Variants in GTF3C1 observed in about 807,000 individuals in gnomAD.
GTF3C1 encodes general transcription factor IIIC subunit 1.
GTF3C1 carries 57 observed loss-of-function variants against 226.7 expected under a neutral mutation model. The observed-to-expected ratio is 0.25, with a 90% CI of 0.20 to 0.31. The LOEUF (loss-of-function observed/expected upper bound fraction) is 0.31, where lower values mean the gene tolerates loss of function less well. GTF3C1 is among the 10% of genes least tolerant of loss of function. The pLI is 1.00. For synonymous variants in GTF3C1, 1,090 were observed against 1,084.8 expected (o/e 1.00, Z -0.09); for missense variants, 2,217 against 2,776.1 (o/e 0.80, Z 4.53).
chr16:27,508,413 G>T, intron 8 of GTF3C1, 127 bp downstream of exon 8: 1 of 690,036 alleles, frequency 1.4e-6, no homozygotes. Context: ...CTCAGCCCTG[G>T]GGAGGCCATT....
At chr16:27,509,864 A>G (rs1476724601) in intron 7 of GTF3C1, among the ~76,000 whole-genome samples, 1 of 152,022 alleles carries the variant, frequency 6.6e-6, no homozygotes, top group Non-Finnish European at 1.5e-5. Context: ...AGGTTTTGCT[A>G]TGTTGTACAC....
intron 29 of GTF3C1, among the ~76,000 whole-genome samples, chr16:27,473,202 T>C (rs1422543186): frequency 6.6e-6 from 1 of 152,220 alleles, no homozygotes; most frequent in African/African-American, 2.4e-5. Flanking sequence ...ATGCCTGGCC[T>C]AGATTCAACT....
intron 4 of GTF3C1, among the ~76,000 whole-genome samples, chr16:27,534,037 G>A (rs1290985352): frequency 1.3e-5 from 2 of 152,124 alleles, no homozygotes; most frequent in Non-Finnish European, 2.9e-5. Context: ...CACTTGGTGA[G>A]GAAGGATGGG....
rs557634590 is a variant in GTF3C1, at chr16:27,481,699, G to A, written c.4084-508C>T. Among the ~76,000 whole-genome samples, 4 of 152,284 alleles carry A rather than the reference G, an allele frequency of 2.6e-5. No individual in the cohort carries two copies. In the South Asian group the frequency reaches 8.3e-4, roughly 32 times the overall value. Reference sequence around the variant, plus strand: ...GAGCAAGCTGGTTGCGTCACCCAGTGTGCAATGCGACATGGTATGCTCCCG... The same window carrying A: ...GAGCAAGCTGGTTGCGTCACCCAGTATGCAATGCGACATGGTATGCTCCCG... On this transcript the variant is annotated intron_variant, in intron 26 of 36. Transcript: ENST00000356183.
rs529172643 is a variant in GTF3C1, at chr16:27,507,707, G to A, written c.1243-551C>T. On this transcript the variant is annotated intron_variant, in intron 8 of 36. Transcript: ENST00000356183. The surrounding 1 kb of genome is among the most constrained non-coding windows in gnomAD (Gnocchi z 4.9). ...CAGGGATGGGGCTAAGTGTGCTGCA[G>A]TCACTCACCCAACTATAATACTGCC... 4.6e-5 allele frequency among the ~76,000 whole-genome samples: 7 copies of A among 152,352 alleles called. No homozygotes were observed. In the South Asian group the frequency reaches 1.4e-3, roughly 32 times the overall value.
Position 27,537,783 on chromosome 16 carries a change from C to T in GTF3C1, c.752+1G>A, listed in dbSNP as rs1424188818. The T allele has an allele frequency of 6.2e-7, 1 of 1,608,554 alleles. No individual in the cohort carries two copies. The highest frequency in any genetic ancestry group is 1.3e-5 in the African/African-American group (1 of 74,742). On this transcript the variant is annotated splice_donor_variant, in intron 4 of 36. Coordinates refer to ENST00000356183, the MANE Select transcript of GTF3C1 (RefSeq NM_001520.4). LOFTEE classifies it high-confidence loss of function. ...AATGTTTTGGTCACTACAAACCATA[C>T]CTGTCCACATGAAACCGGTTCAGTA...
rs1308238876 is a variant in GTF3C1 at position 27,492,545 on chromosome 16, C to G, written c.2974-30G>C. The G allele has an allele frequency of 6.3e-7, 1 of 1,581,860 alleles. No individual in the cohort carries two copies. The highest frequency in any genetic ancestry group is 1.1e-5 in the South Asian group (1 of 90,396). ...GGGGAGACACCAGACAGGGAGAACC[C>G]ACATTGGGTCTGGCTGCTTGGAGAC... is the stretch of plus-strand genomic sequence containing the variant. On this transcript the variant is annotated intron_variant, in intron 18 of 36. Coordinates refer to ENST00000356183, the MANE Select transcript of GTF3C1 (RefSeq NM_001520.4). The surrounding 1 kb of genome is among the most constrained non-coding windows in gnomAD (Gnocchi z 5.0).
chr16:27,492,591 C>G lies in GTF3C1; in HGVS notation c.2973+26G>C, dbSNP rs1235217273. 7 of 1,559,710 alleles carry G rather than the reference C, an allele frequency of 4.5e-6. No homozygotes were observed. Among genetic ancestry groups the G allele is most frequent in the Non-Finnish European group, 6.2e-6 (7 of 1,130,560 alleles). On this transcript the variant is annotated intron_variant, in intron 18 of 36. Transcript: ENST00000356183. This position sits in a 1 kb window ranked among gnomAD's most constrained non-coding sequence, Gnocchi z 5.0. ...GAGACCGTTTAACAATCAGAATTTC[C>G]TTCGTTTGGGCTTGAGGGACATTAC... is the stretch of plus-strand genomic sequence containing the variant.
intron 26 of GTF3C1, among the ~76,000 whole-genome samples, chr16:27,482,051 C>T (rs1338334159): frequency 2.0e-5 from 3 of 152,164 alleles, no homozygotes; most frequent in Non-Finnish European, 4.4e-5. Flanking sequence ...CCCACTGTTT[C>T]CCAGCCACGT....
At chr16:27,501,502 A>C (rs2088403752) in intron 11 of GTF3C1, among the ~76,000 whole-genome samples, 158 bp from the exon 12 acceptor site, 1 of 152,218 alleles carries the variant, frequency 6.6e-6, no homozygotes, top group African/African-American at 2.4e-5. Flanking sequence ...TTGAGACGTT[A>C]ATGATTGTTT....
Position 27,470,090 on chromosome 16 carries a change from C to T in GTF3C1, c.4814+18G>A, listed in dbSNP as rs370102343. 13 of 1,603,438 alleles carry T rather than the reference C, an allele frequency of 8.1e-6. No homozygotes were observed. The highest frequency in any genetic ancestry group is 6.7e-5 in the Admixed American group (4 of 59,458). Reference sequence around the variant, plus strand: ...TAGCACGTGGCCAGACCTGATGCTGCGGATGCCGGACTCTTACCTTTTGAT... The same window carrying T: ...TAGCACGTGGCCAGACCTGATGCTGTGGATGCCGGACTCTTACCTTTTGAT... On this transcript the variant is annotated intron_variant, in intron 31 of 36. Transcript: ENST00000356183. This position sits in a 1 kb window ranked among gnomAD's most constrained non-coding sequence, Gnocchi z 4.9.
intron 2 of GTF3C1, 89 bp from the exon 3 acceptor site, chr16:27,538,445 T>A (rs2089033714): frequency 1.2e-6 from 1 of 801,644 alleles, no homozygotes; most frequent in African/African-American, 1.7e-5. Context: ...AGAATCCTCA[T>A]TTCCTGCTTC....
chr16:27,477,565 A>G (rs1338635982), intron 28 of GTF3C1, among the ~76,000 whole-genome samples: 2 of 152,178 alleles, frequency 1.3e-5, no homozygotes, highest in Non-Finnish European at 2.9e-5. Context: ...GCGCCCTCCC[A>G]AAGTGCTGGG....
At chr16:27,548,577 T>C (rs2089203850) in intron 1 of GTF3C1, among the ~76,000 whole-genome samples, 1 of 152,188 alleles carries the variant, frequency 6.6e-6, no homozygotes, top group Non-Finnish European at 1.5e-5. Flanking sequence ...TCTTGGACAT[T>C]ATTACCTCTT....
intron 2 of GTF3C1, among the ~76,000 whole-genome samples, chr16:27,542,844 G>A (rs775797254): frequency 1.3e-5 from 2 of 152,202 alleles, no homozygotes; most frequent in South Asian, 2.1e-4. Context: ...CCAGAAGCCA[G>A]TGCCATGCCC....
intron 6 of GTF3C1, among the ~76,000 whole-genome samples, chr16:27,522,305 C>G (rs1233744097): frequency 1.3e-5 from 2 of 152,208 alleles, no homozygotes; most frequent in South Asian, 4.1e-4. Context: ...CTTCCAGATT[C>G]CCCCATTATG....
At chr16:27,534,220 C>A (rs548857253) in intron 4 of GTF3C1, among the ~76,000 whole-genome samples, 1 of 152,358 alleles carries the variant, frequency 6.6e-6, no homozygotes, top group Non-Finnish European at 1.5e-5. Flanking sequence ...CTCATTTCTA[C>A]CGTGAAGCGG....
chr16:27,501,214 T>C lies in GTF3C1; in HGVS notation c.2038A>G (p.Ile680Val). Reference protein sequence around the residue: ...GLLRLYRTTVIQDGIKKKVDL... With the variant: ...GLLRLYRTTVVQDGIKKKVDL... ...ACCTTCTTCTTGATGCCATCTTGAATGACAGTGGTCCGATACAATCGCAAG... is the reference window on the plus strand; with the variant it reads ...ACCTTCTTCTTGATGCCATCTTGAACGACAGTGGTCCGATACAATCGCAAG... Residue 680 changes from isoleucine to valine, a missense_variant, in exon 12 of 37, where the codon ATT becomes GTT. Around this residue, in one of 12 missense-constraint regions of GTF3C1, gnomAD observed 52 missense variants for 110.8 expected, o/e 0.47. Coordinates refer to ENST00000356183, the MANE Select transcript of GTF3C1 (RefSeq NM_001520.4). 1 of 1,613,184 alleles carries C rather than the reference T, an allele frequency of 6.2e-7. No individual in the cohort carries two copies. The highest frequency in any genetic ancestry group is 8.5e-7 in the Non-Finnish European group (1 of 1,179,172).
rs1880112806 is a variant in GTF3C1 at position 27,463,386 on chromosome 16, C to T, written c.5924+155G>A. 3 of 666,162 alleles carry T rather than the reference C, an allele frequency of 4.5e-6. No individual in the cohort carries two copies. Among genetic ancestry groups the T allele is most frequent in the East Asian group, 2.5e-5 (1 of 39,564 alleles). The allele number at this position is 666,162 out of a possible 1,614,324, so 41.3% of individuals were successfully genotyped here. ...GCACGCCTGCTGCTCGCCCACTGCG[C>T]CCCTCCAAGTACCCCTGCCAAGAAC... On this transcript the variant is annotated intron_variant, in intron 35 of 36. Transcript: ENST00000356183. This position sits in a 1 kb window ranked among gnomAD's most constrained non-coding sequence, Gnocchi z 4.9.
Sources: allele counts gnomAD v4.1 joint callset (sites outside exome capture counted in the v4.1 genomes callset), GRCh38; gene constraint gnomAD v4.1.1; regional missense constraint gnomAD v4.1.1; non-coding constraint Gnocchi (gnomAD v3.1); transcripts MANE v1.5; gene names NCBI Gene and HGNC (gene_info 2026-07-23, HGNC 2026-07-21).